MDGA2: variants seen among roughly 807,000 people sequenced by gnomAD.
The protein encoded by MDGA2 is MAM domain-containing glycosylphosphatidylinositol anchor protein 2.
In MDGA2, 40 loss-of-function variants were observed where a neutral mutation model predicts 117.8. That is an observed-to-expected ratio of 0.34 (90% CI 0.26 to 0.44). The LOEUF (loss-of-function observed/expected upper bound fraction) is 0.44, where lower values mean the gene tolerates loss of function less well. Ranked by LOEUF, MDGA2 falls within the 20% of genes least tolerant of loss-of-function variation. The probability of loss-of-function intolerance (pLI) is 1.00; values close to 1 mark genes in which losing one functional copy is unlikely to be tolerated. For synonymous variants in MDGA2, 452 were observed against 439.0 expected, an observed-to-expected ratio of 1.03 and a Z score of -0.37; for missense variants, 1,123 against 1,250.6, an observed-to-expected ratio of 0.90 and a Z score of 1.54.
At chr14:47,397,828 G>C (rs915373626) in intron 1 of MDGA2, among the ~76,000 whole-genome samples, 1 of 152,058 alleles carries the variant, frequency 6.6e-6, no homozygotes, top group Non-Finnish European at 1.5e-5. Context: ...TAGTTGAAGA[G>C]ACCCAGATTA....
rs887730917 is a variant in MDGA2 at position 46,855,650 on chromosome 14, T to C, written c.2753-496A>G. Among the ~76,000 whole-genome samples the C allele has an allele frequency of 1.3e-5, 2 of 152,148 alleles. No homozygotes were observed. Among genetic ancestry groups the C allele is most frequent in the African/African-American group, 4.8e-5 (2 of 41,440 alleles). ...AGAAGAAGTCAGCCCTGCTGACATC[T>C]TGATTTTAGGCCCAGAATGCTTTTT... On this transcript the variant is annotated intron_variant, in intron 14 of 16. Transcript: ENST00000399232. This position sits in a 1 kb window ranked among gnomAD's most constrained non-coding sequence, Gnocchi z 4.1.
intron 1 of MDGA2, among the ~76,000 whole-genome samples, chr14:47,325,279 C>T (rs1890110959): frequency 6.6e-6 from 1 of 152,112 alleles, no homozygotes; most frequent in African/African-American, 2.4e-5. Context: ...TGATTGCCTC[C>T]ATCCATTTAT....
At position 46,968,268 on chromosome 14, in the gene MDGA2, C is replaced by G. The variant is rs1394017379; in HGVS notation, c.1820-10625G>C. Among the ~76,000 whole-genome samples the G allele has an allele frequency of 2.0e-5, 3 of 152,228 alleles. No homozygotes were observed. The East Asian group carries it at 5.8e-4, about 30-fold the overall frequency. On this transcript the variant is annotated intron_variant, in intron 8 of 16. Transcript: ENST00000399232. ...CCTGTTCCACAGGTGCCTGCCTAAG[C>G]TGCTCCCACTGACAGTGGTTCCACC...
At chr14:47,134,205 G>A (rs1156462436) in intron 4 of MDGA2, among the ~76,000 whole-genome samples, 1 of 152,004 alleles carries the variant, frequency 6.6e-6, no homozygotes, top group Non-Finnish European at 1.5e-5. Context: ...GATTATGTCT[G>A]TCTTGCTCTC....
rs542015276 is a variant in MDGA2, at chr14:47,384,064, T to C, written c.281-82514A>G. Among the ~76,000 whole-genome samples, 21 of 152,222 alleles carry C rather than the reference T, an allele frequency of 1.4e-4. 1 individual carries two copies. In the South Asian group the frequency reaches 1.9e-3, roughly 14 times the overall value. On this transcript the variant is annotated intron_variant, in intron 1 of 16. Coordinates refer to ENST00000399232, the MANE Select transcript of MDGA2 (RefSeq NM_001113498.3). ...AAATAGAACATAATGATATTCCATA[T>C]TGGTTAGTAACTAATGAATACCATC...
At chr14:47,200,820 C>T in intron 3 of MDGA2, 1 of 798,530 alleles carries the variant, frequency 1.3e-6, no homozygotes, top group South Asian at 1.4e-5. Context: ...ACCTTCAGGG[C>T]AGCAGGAGCC....
At chr14:47,601,476 G>A (rs1016464621) in intron 1 of MDGA2, among the ~76,000 whole-genome samples, 1 of 152,030 alleles carries the variant, frequency 6.6e-6, no homozygotes, top group Non-Finnish European at 1.5e-5. Context: ...ATAGTTTAAG[G>A]TATGACCCTT....
chr14:47,482,794 C>T (rs1566478971), intron 1 of MDGA2, among the ~76,000 whole-genome samples: 2 of 151,370 alleles, frequency 1.3e-5, no homozygotes, highest in East Asian at 1.9e-4. Flanking sequence ...ACCAAGATGT[C>T]ACTAGCAGAG....
intron 1 of MDGA2, among the ~76,000 whole-genome samples, chr14:47,552,800 AC>A (rs869062227): frequency 7.3e-6 from 1 of 136,310 alleles, no homozygotes; most frequent in African/African-American, 2.7e-5. Context: ...ATCTCTTACT[AC>A]CCCTAATCTT....
At chr14:47,281,330 A>G (rs1372588030) in intron 2 of MDGA2, among the ~76,000 whole-genome samples, 1 of 152,048 alleles carries the variant, frequency 6.6e-6, no homozygotes, top group African/African-American at 2.4e-5. Context: ...GATTTGCCTT[A>G]TAGATTTTCA....
At chr14:47,406,862 G>A (rs1892270791) in intron 1 of MDGA2, among the ~76,000 whole-genome samples, 1 of 151,942 alleles carries the variant, frequency 6.6e-6, no homozygotes, top group Admixed American at 6.6e-5. Flanking sequence ...TCACTCTCTA[G>A]GGACTGCCAC....
chr14:47,386,303 A>C (rs1336634613), intron 1 of MDGA2, among the ~76,000 whole-genome samples: 2 of 152,168 alleles, frequency 1.3e-5, no homozygotes, highest in Non-Finnish European at 2.9e-5. Context: ...AGAAAAGAAT[A>C]AAGTATAGAT....
At chr14:47,193,450 C>T (rs1885182955) in intron 3 of MDGA2, among the ~76,000 whole-genome samples, 1 of 151,728 alleles carries the variant, frequency 6.6e-6, no homozygotes, top group Admixed American at 6.6e-5. Flanking sequence ...CTATGTAATA[C>T]TTCCTTATTA....
intron 14 of MDGA2, among the ~76,000 whole-genome samples, chr14:46,858,428 C>CTTTTTTTTTTTTTTTTT: frequency 8.1e-6 from 1 of 123,802 alleles, no homozygotes; most frequent in Middle Eastern, 4.6e-3. Flanking sequence ...TTCTTTTTTT[C>CTTTTTTTTTTTTTTTTT]TTTTTTTTTT....
chr14:47,457,333 C>T (rs1315106712), intron 1 of MDGA2, among the ~76,000 whole-genome samples: 3 of 152,118 alleles, frequency 2.0e-5, no homozygotes, highest in Non-Finnish European at 2.9e-5. Flanking sequence ...TGCTTGAGAG[C>T]ATGCATTTTA....
chr14:47,493,318 T>A (rs1280351437), intron 1 of MDGA2, among the ~76,000 whole-genome samples: 1 of 148,442 alleles, frequency 6.7e-6, no homozygotes, highest in Non-Finnish European at 1.5e-5. Context: ...TAATATAAAA[T>A]ATATATATAT....
At chr14:47,609,055 T>C in intron 1 of MDGA2, among the ~76,000 whole-genome samples, 1 of 151,820 alleles carries the variant, frequency 6.6e-6, no homozygotes, top group East Asian at 1.9e-4. Context: ...TCTTTTTTTA[T>C]TTTTATCTTT....
intron 8 of MDGA2, among the ~76,000 whole-genome samples, chr14:47,025,953 C>T (rs111752546): frequency 1.4e-4 from 21 of 152,136 alleles, no homozygotes; most frequent in African/African-American, 4.1e-4. Flanking sequence ...AATTTGATAC[C>T]AAATACGCCT....
At chr14:47,645,635 A>T (rs972112114) in intron 1 of MDGA2, among the ~76,000 whole-genome samples, 17 of 152,032 alleles carry the variant, frequency 1.1e-4, no homozygotes, top group Admixed American at 3.9e-4. Flanking sequence ...ATAATTACAG[A>T]CTGTTTCATT....
Sources: allele counts gnomAD v4.1 joint callset (sites outside exome capture counted in the v4.1 genomes callset), GRCh38; gene constraint gnomAD v4.1.1; non-coding constraint Gnocchi (gnomAD v3.1); transcripts MANE v1.5; gene names NCBI Gene and HGNC (gene_info 2026-07-23, HGNC 2026-07-21).